The following LMNA variants were observed in gnomAD, a reference collection of about 807,000 sequenced individuals.
The protein encoded by LMNA is lamin.
Under a neutral mutation model 70.4 loss-of-function variants are expected in LMNA, and 20 were observed. That is an observed-to-expected ratio of 0.28 (90% CI 0.20 to 0.41). LMNA has a LOEUF of 0.41. Ranked by LOEUF, LMNA falls within the 10% of genes least tolerant of loss-of-function variation. The pLI, the probability that LMNA is intolerant of heterozygous loss-of-function variation, is 1.00. For synonymous variants in LMNA, 339 were observed against 372.8 expected (o/e 0.91, Z 1.04); for missense variants, 652 against 917.2 (o/e 0.71, Z 3.73).
In LMNA at chr1:156,084,333, G is replaced by GGGGGC. The variant is rs1553259254; in HGVS notation, c.-319+1150_-319+1151insGGGCG. 7.3e-5 allele frequency among the ~76,000 whole-genome samples: 5 copies of GGGGGC among 68,462 alleles called. 1 individual carries two copies. The South Asian group carries it at 2.1e-3, about 29-fold the overall frequency. 44.9% of individuals were successfully genotyped at this position (68,462 alleles called of 152,430 possible). The stretch of plus-strand genomic sequence containing the variant: ...AGCTGAGGATCTCAGAAGGTCGGGG[G>GGGGGC]GTGGTGGGGGCAGTTGGCACACTGC... On this transcript the variant is annotated intron_variant, in intron 2 of 12. Coordinates refer to the LMNA transcript ENST00000368301.
At chr1:156,119,208 C>T (rs1335801130) in intron 1 of LMNA, among the ~76,000 whole-genome samples, 3 of 151,944 alleles carry the variant, frequency 2.0e-5, no homozygotes, top group Non-Finnish European at 4.4e-5. Context: ...ACCTCCACCT[C>T]CCAGGTTCAA....
intron 3 of LMNA, among the ~76,000 whole-genome samples, chr1:156,097,435 G>A (rs996288681): frequency 3.3e-5 from 5 of 152,256 alleles, no homozygotes; most frequent in Non-Finnish European, 7.3e-5. Flanking sequence ...CCCCAATAAG[G>A]GGCAGGCGCT....
rs2102898356 is a variant in LMNA, at chr1:156,137,699, G to A, written c.1654G>A (p.Asp552Asn). 1 of 1,556,264 alleles carries A rather than the reference G, an allele frequency of 6.4e-7. No individual in the cohort carries two copies. Among genetic ancestry groups the A allele is most frequent in the Non-Finnish European group, 8.7e-7 (1 of 1,149,424 alleles). Reference sequence around the variant, plus strand: ...GGTGCGCTCAGTGACTGTGGTTGAGGACGACGAGGATGAGGATGGAGATGA... The same window carrying A: ...GGTGCGCTCAGTGACTGTGGTTGAGAACGACGAGGATGAGGATGGAGATGA... ...KLVRSVTVVE[D>N]DEDEDGDDLL... Residue 552 changes from aspartate to asparagine, a missense_variant, in exon 10 of 12, where the codon GAC becomes AAC. Coordinates refer to ENST00000368300, the MANE Select transcript of LMNA (RefSeq NM_170707.4). The surrounding 1 kb of genome is among the most constrained non-coding windows in gnomAD (Gnocchi z 4.6).
Position 156,137,266 on chromosome 1 carries a change from G to T in LMNA, c.1608+34G>T, listed in dbSNP as rs761916992. ...GCCTGGGCCTGGCTGCTTGCTGGAC[G>T]AGGCTCCCCCTGATGGCCAACATCG... On this transcript the variant is annotated intron_variant, in intron 9 of 11. Coordinates refer to ENST00000368300, the MANE Select transcript of LMNA (RefSeq NM_170707.4). The surrounding 1 kb of genome is among the most constrained non-coding windows in gnomAD (Gnocchi z 4.6). 6.5e-7 allele frequency: 1 copy of T among 1,545,884 alleles called. No individual in the cohort carries two copies. The highest frequency in any genetic ancestry group is 8.7e-7 in the Non-Finnish European group (1 of 1,150,582).
At chr1:156,093,553 G>A (rs1303677480) in intron 3 of LMNA, among the ~76,000 whole-genome samples, 6 of 151,506 alleles carry the variant, frequency 4.0e-5, no homozygotes, top group East Asian at 2.0e-4. Context: ...TGATCTGCCC[G>A]CCTTGGCCTC....
At chr1:156,122,074 C>T (rs1650228599) in intron 1 of LMNA, among the ~76,000 whole-genome samples, 1 of 152,062 alleles carries the variant, frequency 6.6e-6, no homozygotes, top group Non-Finnish European at 1.5e-5. Flanking sequence ...CACTGCACTC[C>T]AGCCAGGGCG....
chr1:156,111,640 G>GAC (rs1448404502), upstream of LMNA, among the ~76,000 whole-genome samples: 1 of 152,150 alleles, frequency 6.6e-6, no homozygotes, highest in Non-Finnish European at 1.5e-5. Flanking sequence ...CCACTGGTGG[G>GAC]AGGCTCCCTT....
In LMNA at chr1:156,137,141, A is replaced by C. The variant is rs878855233; in HGVS notation, c.1517A>C (p.His506Pro). ...TGGGCTGCAGGAGCTGGGGCCACCC[A>C]CAGCCCCCCTACCGACCTGGTGTGG... ...TIWAAGAGAT[H>P]SPPTDLVWKA... Residue 506 changes from histidine (H) to proline (P), a missense_variant, in exon 9 of 12, where the codon CAC (histidine) becomes CCC (proline). His to Pro is a moderately conservative substitution (Grantham distance 77). This residue lies in a region of LMNA where 327 missense variants were observed against 387.6 expected (regional missense o/e 0.84). Transcript: ENST00000368300. This position sits in a 1 kb window ranked among gnomAD's most constrained non-coding sequence, Gnocchi z 4.6. 5.3e-5 allele frequency: 86 copies of C among 1,613,488 alleles called. No homozygotes were observed. The highest frequency in any genetic ancestry group is 7.0e-5 in the Non-Finnish European group (82 of 1,179,802).
chr1:156,113,930 G>C (rs1649634357), upstream of LMNA, among the ~76,000 whole-genome samples: 1 of 152,180 alleles, frequency 6.6e-6, no homozygotes. Context: ...ACAGGAGATG[G>C]AAGGGGCAGT....
chr1:156,132,611 G>A (rs1192025970), intron 2 of LMNA, among the ~76,000 whole-genome samples: 1 of 152,112 alleles, frequency 6.6e-6, no homozygotes, highest in Admixed American at 6.6e-5. Flanking sequence ...TCCATCCTGG[G>A]TTCTTTCCCT....
chr1:156,125,362 A>G (rs1650480307), intron 1 of LMNA, among the ~76,000 whole-genome samples: 1 of 152,110 alleles, frequency 6.6e-6, no homozygotes, highest in South Asian at 2.1e-4. Flanking sequence ...GCCCTGTCAC[A>G]TGGCGGGAAG....
chr1:156,109,942 A>G (rs887133561), upstream of LMNA, among the ~76,000 whole-genome samples: 6 of 151,622 alleles, frequency 4.0e-5, no homozygotes, highest in Non-Finnish European at 2.9e-5. Context: ...TGACCTCCCA[A>G]GCTCAGGTGA....
chr1:156,108,872 A>G (rs1432642131), intron 3 of LMNA, among the ~76,000 whole-genome samples: 1 of 152,192 alleles, frequency 6.6e-6, no homozygotes, highest in African/African-American at 2.4e-5. Context: ...GCCTGAAGAT[A>G]TTTTTGATTG....
At chr1:156,112,813 C>A (rs1406696406), upstream of LMNA, among the ~76,000 whole-genome samples, 1 of 152,192 alleles carries the variant, frequency 6.6e-6, no homozygotes, top group Non-Finnish European at 1.5e-5. Flanking sequence ...GCTTCAGAAC[C>A]CAGAACTGAG....
At chr1:156,102,475 C>T (rs964424986) in intron 3 of LMNA, among the ~76,000 whole-genome samples, 3 of 152,212 alleles carry the variant, frequency 2.0e-5, no homozygotes, top group Admixed American at 6.5e-5. Flanking sequence ...TGTCCTAAAA[C>T]TGGGTCTTCA....
rs1403035610 is a variant in LMNA, at chr1:156,128,238, C to T, written c.357-2379C>T. Among the ~76,000 whole-genome samples the T allele has an allele frequency of 2.0e-5, 3 of 152,024 alleles. No homozygotes were observed. In the South Asian group the frequency reaches 6.2e-4, roughly 32 times the overall value. ...GTGTTTGCTATTATATTATTATTAT[C>T]ACTGCCACCACCGCTTTTGCAAGCA... On this transcript the variant is annotated intron_variant, in intron 1 of 11. Coordinates refer to ENST00000368300, the MANE Select transcript of LMNA (RefSeq NM_170707.4).
chr1:156,100,032 C>T (rs1274250644), intron 3 of LMNA, among the ~76,000 whole-genome samples: 2 of 152,076 alleles, frequency 1.3e-5, no homozygotes, highest in Admixed American at 6.6e-5. Context: ...GTCTGGAGGG[C>T]TCCATCCAGC....
chr1:156,119,111 A>T (rs1284460371), intron 1 of LMNA, among the ~76,000 whole-genome samples: 1 of 150,762 alleles, frequency 6.6e-6, no homozygotes, highest in East Asian at 1.9e-4. Flanking sequence ...ATGCCCAGCT[A>T]ATTTTTTTTT....
rs115800510 is a variant in LMNA, at chr1:156,114,831, G to T, written c.-88G>T. The T allele has an allele frequency of 4.8e-3, 4,417 of 929,874 alleles. 130 individuals carry two copies. In the African/African-American group the frequency reaches 0.068, roughly 14 times the overall value. 57.6% of individuals were successfully genotyped at this position (929,874 alleles called of 1,614,324 possible). A position where few individuals can be genotyped will look rare whatever the true frequency, so the allele number is the denominator to read the frequency against. On this transcript the variant is annotated 5_prime_UTR_variant, in exon 1 of 12. Transcript: ENST00000368300. ...GAGAGCCAGCCGGCCGGCGCACTCC[G>T]ACTCCGAGCAGTCTCTGTCCTTCGA...
Sources: allele counts gnomAD v4.1 joint callset (sites outside exome capture counted in the v4.1 genomes callset), GRCh38; gene constraint gnomAD v4.1.1; regional missense constraint gnomAD v4.1.1; non-coding constraint Gnocchi (gnomAD v3.1); transcripts MANE v1.5; gene names NCBI Gene and HGNC (gene_info 2026-07-23, HGNC 2026-07-21).